The following PPM1E variants were observed in gnomAD, a reference collection of about 807,000 sequenced individuals.
PPM1E encodes protein phosphatase, Mg2+/Mn2+ dependent 1E, also known as protein phosphatase 1E.
Under a neutral mutation model 65.9 loss-of-function variants are expected in PPM1E, and 20 were observed. The observed-to-expected ratio is 0.30, with a 90% CI of 0.21 to 0.44. The LOEUF is 0.44. Ranked by LOEUF, PPM1E falls within the 20% of genes least tolerant of loss-of-function variation. The pLI, the probability that PPM1E is intolerant of heterozygous loss-of-function variation, is 1.00. For synonymous variants in PPM1E, 352 were observed against 374.9 expected, an observed-to-expected ratio of 0.94 and a Z score of 0.70; for missense variants, 713 against 953.1, an observed-to-expected ratio of 0.75 and a Z score of 3.32.
intron 2 of PPM1E, among the ~76,000 whole-genome samples, chr17:58,962,790 A>G (rs2030072983): frequency 6.6e-6 from 1 of 152,134 alleles, no homozygotes; most frequent in South Asian, 2.1e-4. Flanking sequence ...TAAAAATGCT[A>G]ACAGTAGGGA....
At chr17:58,830,923 G>C (rs1420426088) in intron 1 of PPM1E, among the ~76,000 whole-genome samples, 2 of 151,610 alleles carry the variant, frequency 1.3e-5, no homozygotes, top group Non-Finnish European at 2.9e-5. Flanking sequence ...ATCCTCAAGT[G>C]ATCCACCCGC....
chr17:58,866,454 A>G (rs1329572600), intron 1 of PPM1E, among the ~76,000 whole-genome samples: 1 of 152,048 alleles, frequency 6.6e-6, no homozygotes, highest in Non-Finnish European at 1.5e-5. Flanking sequence ...TTAATCAGCT[A>G]CTCTGTGATC....
chr17:58,888,618 A>G (rs1212767591), intron 1 of PPM1E, among the ~76,000 whole-genome samples: 3 of 151,878 alleles, frequency 2.0e-5, no homozygotes, highest in East Asian at 1.9e-4. Flanking sequence ...TTGGCCTCCC[A>G]AAGTGCTGGG....
intron 3 of PPM1E, 101 bp from the exon 4 acceptor site, chr17:58,969,438 C>T: frequency 9.2e-7 from 1 of 1,086,264 alleles, no homozygotes; most frequent in African/African-American, 1.5e-5. Context: ...ATGACAAATG[C>T]AGTGGAGGAG....
At chr17:58,774,648 CAT>C (rs1478497949) in intron 1 of PPM1E, among the ~76,000 whole-genome samples, 5 of 152,044 alleles carry the variant, frequency 3.3e-5, no homozygotes, top group Admixed American at 2.0e-4. Context: ...TAATATTTAA[CAT>C]ATTTTGCTCC....
At chr17:58,805,960 ACAAAAAAAAAAAACAAAAAAAAAAC>A (rs1652272976) in intron 1 of PPM1E, among the ~76,000 whole-genome samples, 1 of 105,482 alleles carries the variant, frequency 9.5e-6, no homozygotes, top group Non-Finnish European at 1.9e-5. Flanking sequence ...AAAAAAAAAA[ACAAAAAAAAAAAACAAAAAAAAAAC>A]AAAACAAAAC....
At chr17:58,781,817 T>G (rs1271522356) in intron 1 of PPM1E, among the ~76,000 whole-genome samples, 1 of 151,442 alleles carries the variant, frequency 6.6e-6, no homozygotes, top group African/African-American at 2.4e-5. Flanking sequence ...ACACAGTAGG[T>G]AGAGGTTGCA....
intron 1 of PPM1E, among the ~76,000 whole-genome samples, chr17:58,909,803 A>T (rs2051602050): frequency 6.7e-6 from 1 of 148,568 alleles, no homozygotes; most frequent in Non-Finnish European, 1.5e-5. Flanking sequence ...TTGTTTTTTG[A>T]CATTTATTCT....
intron 1 of PPM1E, among the ~76,000 whole-genome samples, chr17:58,896,255 C>G (rs2051415339): frequency 6.6e-6 from 1 of 152,164 alleles, no homozygotes; most frequent in African/African-American, 2.4e-5. Context: ...GGCCCTAACT[C>G]TCTTCAATTG....
intron 1 of PPM1E, among the ~76,000 whole-genome samples, chr17:58,935,086 A>G (rs931223501): frequency 6.6e-6 from 1 of 151,540 alleles, no homozygotes; most frequent in African/African-American, 2.4e-5. Context: ...CCCCGTCTCT[A>G]CTAAAAATGC....
At chr17:58,967,603 T>A (rs573613121) in intron 3 of PPM1E, among the ~76,000 whole-genome samples, 1 of 151,884 alleles carries the variant, frequency 6.6e-6, no homozygotes, top group African/African-American at 2.4e-5. Context: ...TTGTTATTAG[T>A]CTAAATTATC....
At chr17:58,805,990 C>CAA (rs1168126201) in intron 1 of PPM1E, among the ~76,000 whole-genome samples, 20 of 71,364 alleles carry the variant, frequency 2.8e-4, no homozygotes, top group Admixed American at 5.6e-4. Flanking sequence ...AAAAACAAAA[C>CAA]AAAACAAAAC....
rs547493101 is a variant in PPM1E, at chr17:58,817,355, A to G, written c.464+60894A>G. Among the ~76,000 whole-genome samples, 6 of 152,292 alleles carry G rather than the reference A, an allele frequency of 3.9e-5. 1 individual carries two copies. The highest frequency in any genetic ancestry group is 8.8e-5 in the Non-Finnish European group (6 of 68,020). On this transcript the variant is annotated intron_variant, in intron 1 of 6. Transcript: ENST00000308249. ...TTGAGGAACTGCCAAACGTTTTCAC[A>G]GTGGCATGCATTGTGCTTTAACAGA...
chr17:58,859,175 A>T (rs2050913196), intron 1 of PPM1E, among the ~76,000 whole-genome samples: 1 of 152,106 alleles, frequency 6.6e-6, no homozygotes, highest in Non-Finnish European at 1.5e-5. Flanking sequence ...TGGCAATTTG[A>T]TTGGTTACAG....
chr17:58,768,109 C>T (rs2049900839), intron 1 of PPM1E, among the ~76,000 whole-genome samples: 1 of 152,000 alleles, frequency 6.6e-6, no homozygotes, highest in Non-Finnish European at 1.5e-5. Flanking sequence ...TGCCACCTTG[C>T]CCAGCTAATT....
chr17:58,936,361 A>G (rs1245929626), intron 1 of PPM1E, among the ~76,000 whole-genome samples: 1 of 152,176 alleles, frequency 6.6e-6, no homozygotes, highest in Non-Finnish European at 1.5e-5. Context: ...AACTGCTGTC[A>G]TCCTAGCAAG....
chr17:58,811,733 C>T (rs2050370108), intron 1 of PPM1E, among the ~76,000 whole-genome samples: 1 of 151,786 alleles, frequency 6.6e-6, no homozygotes, highest in Admixed American at 6.6e-5. Flanking sequence ...TATGGTGGTG[C>T]GATCTCAGCC....
intron 1 of PPM1E, among the ~76,000 whole-genome samples, chr17:58,782,109 T>C (rs2050056366): frequency 1.3e-5 from 2 of 152,124 alleles, no homozygotes; most frequent in African/African-American, 4.8e-5. Flanking sequence ...GTAGGAATGA[T>C]AGAAACCTCT....
chr17:58,972,049 A>C (rs1270216772), intron 4 of PPM1E, 83 bp from the exon 5 acceptor site: 1 of 1,346,018 alleles, frequency 7.4e-7, no homozygotes, highest in Non-Finnish European at 1.0e-6. Flanking sequence ...CCAGCTGAAA[A>C]GCTTAATTAT....
Sources: gnomAD v4.1 joint callset for allele counts (sites outside exome capture counted in the v4.1 genomes callset) on GRCh38, gnomAD v4.1.1 for gene constraint, MANE v1.5 for transcripts, NCBI Gene and HGNC (gene_info 2026-07-23, HGNC 2026-07-21) for gene names.